The following ATP7B variants were observed in gnomAD, a reference collection of about 807,000 sequenced individuals.
ATP7B encodes the protein copper-transporting ATPase 2.
Under a neutral mutation model 118.9 loss-of-function variants are expected in ATP7B, and 113 were observed. That is an observed-to-expected ratio of 0.95 (90% CI 0.82 to 1.11). The LOEUF (loss-of-function observed/expected upper bound fraction) is 1.11. Ranked by LOEUF, ATP7B falls within the 50% of genes most tolerant of loss-of-function variation. ATP7B has a pLI of 0.00. For missense variants in ATP7B, 1,867 were observed against 1,871.4 expected (o/e 1.00, Z 0.04); for synonymous variants, 777 against 727.4 (o/e 1.07, Z -1.10).
Position 51,963,824 on chromosome 13 carries a change from T to C in ATP7B, c.1869+1048A>G, listed in dbSNP as rs1487969093. 2.0e-5 allele frequency among the ~76,000 whole-genome samples: 3 copies of C among 147,576 alleles called. No homozygotes were observed. In the East Asian group the frequency reaches 6.0e-4, roughly 29 times the overall value. On this transcript the variant is annotated intron_variant, in intron 5 of 20. Transcript: ENST00000242839. ...TAGCACTTTGGGAAGCCCAGGCAGG[T>C]GGATCACCTAAGGTGTCAGGAGTTT...
At position 51,973,932 on chromosome 13, in the gene ATP7B, T is replaced by C; in HGVS notation, c.1285+3A>G. The stretch of plus-strand genomic sequence containing the variant: ...CAGGACATGCCTCAAACACACTACG[T>C]ACCAGAAACGACTGAAGCCTCAAAT... On this transcript the variant is annotated splice_donor_region_variant and intron_variant, in intron 2 of 20. Transcript: ENST00000242839. 6.2e-7 allele frequency: 1 copy of C among 1,614,264 alleles called. No individual in the cohort carries two copies. Among genetic ancestry groups the C allele is most frequent in the South Asian group, 1.1e-5 (1 of 91,088 alleles).
rs72552259 is a variant in ATP7B, at chr13:51,960,274, C to T, written c.1995G>A (p.Met665Ile). The T allele has an allele frequency of 2.1e-3, 3,309 of 1,613,894 alleles. 12 individuals are homozygous for T. The highest frequency in any genetic ancestry group is 2.3e-3 in the Non-Finnish European group (2,705 of 1,179,860). Residue 665 changes from methionine to isoleucine, a missense_variant, in exon 7 of 21, where the codon ATG (methionine) becomes ATA (isoleucine). Physicochemically the swap from Met to Ile is conservative, Grantham distance 10. Transcript: ENST00000242839. Reference sequence around the variant, plus strand: ...GTATCAGCATATAGATCATTAAGGCCATGACAGGGATGCCAAACACCAGGC... The same window carrying T: ...GTATCAGCATATAGATCATTAAGGCTATGACAGGGATGCCAAACACCAGGC... ...LCSLVFGIPV[M>I]ALMIYMLIPS...
chr13:51,975,016 AG>A lies in ATP7B; in HGVS notation c.203del (p.Thr68IlefsTer6). The A allele has an allele frequency of 6.2e-7, 1 of 1,614,228 alleles. No homozygotes were observed. Among genetic ancestry groups the A allele is most frequent in the Non-Finnish European group, 8.5e-7 (1 of 1,180,036 alleles). On this transcript the variant is annotated frameshift_variant, in exon 2 of 21. Transcript: ENST00000242839. LOFTEE classifies it high-confidence loss of function. ...CAATGGACTTCACACATGACTGGCA[AG>A]TCATGCCCAAGATCCTGACTGTGCT... ...ATSTVRILGM[T>X]CQSCVKSIED...
intron 6 of ATP7B, among the ~76,000 whole-genome samples, chr13:51,960,653 G>C (rs563700239): frequency 6.6e-6 from 1 of 152,140 alleles, no homozygotes; most frequent in East Asian, 1.9e-4. Flanking sequence ...TACCATCCTC[G>C]GCCTATGGTT....
rs756751716 is a variant in ATP7B, at chr13:51,941,082, G to A, written c.3555C>T (p.Asp1185=). ...KGQTAILVAI[D]GVLCGMIAIA... ...AAGGAAGGCAGAAGCAGAAGATACC[G>A]TCAATAGCCACCAGGATGGCTGTCT... Residue 1185 remains aspartate (D), a splice_region_variant and synonymous_variant, in exon 16 of 21, where the codon GAC becomes GAT. Transcript: ENST00000242839. 20 of 1,614,196 alleles carry A rather than the reference G, an allele frequency of 1.2e-5. No homozygotes were observed. Among genetic ancestry groups the A allele is most frequent in the Middle Eastern group, 3.3e-4 (2 of 6,062 alleles).
chr13:52,004,225 G>C (rs550829421), intron 1 of ATP7B, among the ~76,000 whole-genome samples: 30 of 152,312 alleles, frequency 2.0e-4, no homozygotes, highest in Non-Finnish European at 1.0e-4. Context: ...TCGTGCCACT[G>C]CACTCCAGCC....
chr13:51,955,731 CCT>C (rs1400742695), intron 9 of ATP7B, among the ~76,000 whole-genome samples: 1 of 152,080 alleles, frequency 6.6e-6, no homozygotes, highest in Non-Finnish European at 1.5e-5. Context: ...GGCTTGGCTC[CCT>C]GTCTGAACGT....
intron 9 of ATP7B, among the ~76,000 whole-genome samples, chr13:51,955,530 C>A (rs904478528): frequency 2.0e-5 from 3 of 152,202 alleles, no homozygotes; most frequent in African/African-American, 7.2e-5. Context: ...TGGAAAAGAA[C>A]TGAGTTATGA....
At chr13:51,977,345 A>C (rs895752025) in intron 1 of ATP7B, among the ~76,000 whole-genome samples, 3 of 152,114 alleles carry the variant, frequency 2.0e-5, no homozygotes, top group Admixed American at 6.6e-5. Flanking sequence ...AAGCTTTTAA[A>C]ATTTTTTTAT....
intron 1 of ATP7B, among the ~76,000 whole-genome samples, chr13:51,999,954 C>G (rs1387909995): frequency 6.6e-6 from 1 of 152,134 alleles, no homozygotes; most frequent in East Asian, 1.9e-4. Flanking sequence ...TGTCTCCAAG[C>G]TCAGCCTCCA....
intron 5 of ATP7B, among the ~76,000 whole-genome samples, chr13:51,962,632 C>T (rs887803215): frequency 6.6e-6 from 1 of 152,150 alleles, no homozygotes; most frequent in Non-Finnish European, 1.5e-5. Flanking sequence ...TGTCTAAAGA[C>T]AAATCCTTTT....
rs374845408 is a variant in ATP7B at position 51,933,534 on chromosome 13, A to C, written c.*1222T>G. On this transcript the variant is annotated 3_prime_UTR_variant, in exon 21 of 21. Transcript: ENST00000242839. ...TTCTGTCAATCACAACCAACTTCAG[A>C]GTCTAAAACTGAACCCGTTCTGCTG... 1 of 152,214 alleles carries C rather than the reference A, an allele frequency of 6.6e-6. No homozygotes were observed. The highest frequency in any genetic ancestry group is 1.9e-4 in the East Asian group (1 of 5,194). 9.4% of individuals were successfully genotyped at this position (152,214 alleles called of 1,614,324 possible).
chr13:51,957,446 TG>T, intron 9 of ATP7B, 69 bp downstream of exon 9: 1 of 1,455,694 alleles, frequency 6.9e-7, no homozygotes, highest in Non-Finnish European at 9.6e-7. Context: ...CAATACAACA[TG>T]GGCATCTGAT....
intron 13 of ATP7B, among the ~76,000 whole-genome samples, chr13:51,945,471 C>T (rs918572632): frequency 7.2e-5 from 11 of 152,200 alleles, no homozygotes; most frequent in African/African-American, 2.4e-4. Flanking sequence ...TCTTCCCCAG[C>T]TCCGTTGTCC....
intron 2 of ATP7B, among the ~76,000 whole-genome samples, chr13:51,972,181 A>T (rs1951874220): frequency 6.6e-6 from 1 of 152,052 alleles, no homozygotes; most frequent in African/African-American, 2.4e-5. Context: ...CTAAGCTACT[A>T]GTGGTCTCCA....
In ATP7B at chr13:51,934,370, T is replaced by C. The variant is rs1356507551; in HGVS notation, c.*386A>G. On this transcript the variant is annotated 3_prime_UTR_variant, in exon 21 of 21. Transcript: ENST00000242839. ...AGACCCTGACAGTGAGGTCTGCAGT[T>C]CTCTGGAAAGGCCCAGTGAGGTTTT... is the stretch of plus-strand genomic sequence containing the variant. The C allele has an allele frequency of 3.0e-6, 1 of 335,460 alleles. No individual in the cohort carries two copies. Among genetic ancestry groups the C allele is most frequent in the Non-Finnish European group, 5.8e-6 (1 of 171,058 alleles). 20.8% of individuals were successfully genotyped at this position (335,460 alleles called of 1,614,324 possible).
intron 4 of ATP7B, among the ~76,000 whole-genome samples, chr13:51,966,334 A>G (rs1393205147): frequency 6.6e-6 from 1 of 152,214 alleles, no homozygotes; most frequent in Non-Finnish European, 1.5e-5. Flanking sequence ...ATCTGCTCTG[A>G]GCCACTGCCA....
intron 1 of ATP7B, among the ~76,000 whole-genome samples, chr13:51,997,693 C>T (rs749115587): frequency 4.6e-5 from 7 of 152,016 alleles, no homozygotes; most frequent in Non-Finnish European, 1.0e-4. Flanking sequence ...GAATGAAGAC[C>T]CAGGAGAGGA....
At chr13:51,935,939 C>T (rs1359798663) in intron 19 of ATP7B, among the ~76,000 whole-genome samples, 4 of 152,236 alleles carry the variant, frequency 2.6e-5, no homozygotes, top group Non-Finnish European at 5.9e-5. Context: ...GTTCCCAGAA[C>T]CACCCACAGG....
Sources: allele counts gnomAD v4.1 joint callset (sites outside exome capture counted in the v4.1 genomes callset), GRCh38; gene constraint gnomAD v4.1.1; transcripts MANE v1.5; gene names NCBI Gene and HGNC (gene_info 2026-07-23, HGNC 2026-07-21).